The following CSMD3 variants were observed in gnomAD, a reference collection of about 807,000 sequenced individuals.
The protein encoded by CSMD3 is CUB and Sushi multiple domains 3, also known as CUB and sushi domain-containing protein 3.
A neutral mutation model predicts 435.2 loss-of-function variants in CSMD3; 177 were observed. That is an observed-to-expected ratio of 0.41 (90% CI 0.36 to 0.46). The LOEUF is 0.46. CSMD3 is among the 20% of genes least tolerant of loss of function. The pLI, the probability that CSMD3 is intolerant of heterozygous loss-of-function variation, is 0.34. For synonymous variants in CSMD3, 1,656 were observed against 1,520.5 expected, an observed-to-expected ratio of 1.09 and a Z score of -2.07; for missense variants, 4,265 against 4,504.6, an observed-to-expected ratio of 0.95 and a Z score of 1.52.
chr8:112,453,977 C>A (rs894439050), intron 32 of CSMD3, among the ~76,000 whole-genome samples: 1 of 151,380 alleles, frequency 6.6e-6, no homozygotes, highest in East Asian at 1.9e-4. Flanking sequence ...CAACCAAAGT[C>A]GACAATAATA....
At chr8:112,557,178 T>C (rs1481507875) in intron 24 of CSMD3, among the ~76,000 whole-genome samples, 1 of 151,936 alleles carries the variant, frequency 6.6e-6, no homozygotes, top group Admixed American at 6.6e-5. Flanking sequence ...TGATACCCCA[T>C]GGTCTATATA....
In CSMD3 at chr8:113,292,872, G is replaced by C. The variant is rs536118252; in HGVS notation, c.402-14168C>G. Among the ~76,000 whole-genome samples, 15 of 151,584 alleles carry C rather than the reference G, an allele frequency of 9.9e-5. No individual in the cohort carries two copies. The South Asian group carries it at 3.1e-3, about 32-fold the overall frequency. ...ATGTTAAAAATATGAAAACAGAGAA[G>C]GAAAAGAAGGTGGAGTGATGGGAAA... On this transcript the variant is annotated intron_variant, in intron 2 of 70. Transcript: ENST00000297405.
At chr8:112,380,046 T>C (rs1489632825) in intron 38 of CSMD3, among the ~76,000 whole-genome samples, 1 of 152,176 alleles carries the variant, frequency 6.6e-6, no homozygotes, top group Non-Finnish European at 1.5e-5. Flanking sequence ...GCTTTAGAGA[T>C]CTGTTGCATA....
chr8:113,189,241 T>C (rs796968493), intron 3 of CSMD3, among the ~76,000 whole-genome samples: 4 of 151,958 alleles, frequency 2.6e-5, no homozygotes, highest in African/African-American at 9.6e-5. Flanking sequence ...ACAATGAGAA[T>C]TGCTTCACCA....
intron 61 of CSMD3, chr8:112,255,703 G>C (rs1815722700): frequency 4.8e-6 from 2 of 419,858 alleles, no homozygotes; most frequent in African/African-American, 4.1e-5. Flanking sequence ...TTGTCGTTTT[G>C]TATTGACCAA....
At chr8:112,940,517 T>C (rs770499025) in intron 9 of CSMD3, among the ~76,000 whole-genome samples, 16 of 151,948 alleles carry the variant, frequency 1.1e-4, no homozygotes, top group Non-Finnish European at 1.6e-4. Flanking sequence ...TTTAAGGGCA[T>C]TTAACTTTTT....
At chr8:113,225,774 C>T (rs1313254339) in intron 3 of CSMD3, among the ~76,000 whole-genome samples, 5 of 151,392 alleles carry the variant, frequency 3.3e-5, no homozygotes, top group African/African-American at 1.2e-4. Flanking sequence ...TGCGAGTCTC[C>T]AGAGAATTTC....
intron 1 of CSMD3, among the ~76,000 whole-genome samples, chr8:113,425,317 C>G (rs2094629894): frequency 1.3e-5 from 2 of 151,362 alleles, no homozygotes; most frequent in Non-Finnish European, 1.5e-5. Flanking sequence ...TTGATATTTA[C>G]ATGAAATAGC....
At chr8:112,372,518 C>A (rs1828498338) in intron 38 of CSMD3, among the ~76,000 whole-genome samples, 1 of 152,056 alleles carries the variant, frequency 6.6e-6, no homozygotes, top group Admixed American at 6.6e-5. Flanking sequence ...ATGCCATTAT[C>A]TCAGGTTCAA....
Position 112,304,903 on chromosome 8 carries a change from G to A in CSMD3, c.8084C>T (p.Pro2695Leu), listed in dbSNP as rs1477855471. The A allele has an allele frequency of 6.2e-7, 1 of 1,613,204 alleles. No homozygotes were observed. Among genetic ancestry groups the A allele is most frequent in the Non-Finnish European group, 8.5e-7 (1 of 1,179,574 alleles). Reference sequence around the variant, plus strand: ...TTCCAAGATAAAGGAATTGATGCTTGGACATGTAACAACTATACAAAAACC... The same window carrying A: ...TTCCAAGATAAAGGAATTGATGCTTAGACATGTAACAACTATACAAAAACC... ...KTPRCVVVTCPSINSFILEHG... is the reference protein window; with the variant it reads ...KTPRCVVVTCLSINSFILEHG... Residue 2695 changes from proline to leucine, a missense_variant, in exon 52 of 71, where the codon CCA (proline) becomes CTA (leucine). Coordinates refer to ENST00000297405, the MANE Select transcript of CSMD3 (RefSeq NM_198123.2).
Position 113,384,573 on chromosome 8 carries a change from G to A in CSMD3, c.178+52104C>T, listed in dbSNP as rs146695583. Among the ~76,000 whole-genome samples the A allele has an allele frequency of 1.8e-3, 275 of 152,276 alleles. 2 individuals are homozygous for A. Among genetic ancestry groups the A allele is most frequent in the East Asian group, 0.013 (65 of 5,180 alleles). ...TTGGGTCTATAGAAGGCATAGGTTC[G>A]CTGAAAGGATCCCAAAGATCTGAGA... On this transcript the variant is annotated intron_variant, in intron 1 of 70. Transcript: ENST00000297405.
chr8:112,237,048 T>C, intron 67 of CSMD3, 142 bp downstream of exon 67: 1 of 872,892 alleles, frequency 1.1e-6, no homozygotes, highest in Non-Finnish European at 1.8e-6. Context: ...AAAACCTTGG[T>C]TCTGAGTGAA....
intron 54 of CSMD3, 124 bp downstream of exon 54, chr8:112,295,708 AT>A (rs1820192507): frequency 1.3e-6 from 1 of 798,686 alleles, no homozygotes; most frequent in African/African-American, 1.7e-5. Context: ...ATCAAATTGG[AT>A]TGTGGAAATT....
chr8:112,657,061 CTT>C lies in CSMD3; in HGVS notation c.2817-722_2817-721del, dbSNP rs11387284. On this transcript the variant is annotated intron_variant, in intron 17 of 70. Coordinates refer to ENST00000297405, the MANE Select transcript of CSMD3 (RefSeq NM_198123.2). ...CCTTAAAAACTTTTTTTTCTTTTTA[CTT>C]TTTTTTTTTTTTTTTTTGAGGCAAA... Among the ~76,000 whole-genome samples the C allele has an allele frequency of 4.3e-3, 561 of 131,578 alleles. 2 individuals carry two copies. The highest frequency in any genetic ancestry group is 4.5e-3 in the African/African-American group (160 of 35,812). 86.3% of individuals were successfully genotyped at this position (131,578 alleles called of 152,430 possible).
chr8:113,127,748 C>T (rs2091175604), intron 4 of CSMD3, among the ~76,000 whole-genome samples: 1 of 151,958 alleles, frequency 6.6e-6, no homozygotes, highest in African/African-American at 2.4e-5. Flanking sequence ...CATGTTACTC[C>T]CCTCCTATAA....
At position 113,191,605 on chromosome 8, in the gene CSMD3, A is replaced by G. The variant is rs555285505; in HGVS notation, c.515-17689T>C. On this transcript the variant is annotated intron_variant, in intron 3 of 70. Coordinates refer to ENST00000297405, the MANE Select transcript of CSMD3 (RefSeq NM_198123.2). ...AAAACATGATTTCATTAATTTTATGACTGCATAGTAGTCCTTGGTGTCTAT... is the reference window on the plus strand; with the variant it reads ...AAAACATGATTTCATTAATTTTATGGCTGCATAGTAGTCCTTGGTGTCTAT... 1.1e-4 allele frequency among the ~76,000 whole-genome samples: 16 copies of G among 151,494 alleles called. No individual in the cohort carries two copies. The South Asian group carries it at 3.1e-3, about 30-fold the overall frequency.
intron 4 of CSMD3, among the ~76,000 whole-genome samples, chr8:113,122,434 T>C (rs1428607697): frequency 6.6e-6 from 1 of 152,110 alleles, no homozygotes; most frequent in Non-Finnish European, 1.5e-5. Context: ...AGATGACAGA[T>C]GATAATTATT....
chr8:113,373,514 T>A (rs1304329664), intron 1 of CSMD3, among the ~76,000 whole-genome samples: 1 of 151,922 alleles, frequency 6.6e-6, no homozygotes, highest in Non-Finnish European at 1.5e-5. Flanking sequence ...CCCAACACTT[T>A]CAGCTTACAT....
At chr8:113,218,463 C>A (rs1301873092) in intron 3 of CSMD3, among the ~76,000 whole-genome samples, 3 of 128,882 alleles carry the variant, frequency 2.3e-5, no homozygotes, top group African/African-American at 6.5e-5. Context: ...CAGTAAAGTG[C>A]TACAAAAAAA....
Sources: allele counts gnomAD v4.1 joint callset (sites outside exome capture counted in the v4.1 genomes callset), GRCh38; gene constraint gnomAD v4.1.1; transcripts MANE v1.5; gene names NCBI Gene and HGNC (gene_info 2026-07-23, HGNC 2026-07-21).